The following GALNTL6 variants were observed in gnomAD, a reference collection of about 807,000 sequenced individuals.
GALNTL6 encodes the protein polypeptide N-acetylgalactosaminyltransferase-like 6.
A neutral mutation model predicts 73.7 loss-of-function variants in GALNTL6; 46 were observed. The observed-to-expected ratio is 0.62, with a 90% CI of 0.49 to 0.80. GALNTL6 has a LOEUF of 0.80. Ranked by LOEUF, GALNTL6 falls within the 30% of genes least tolerant of loss-of-function variation. The probability of loss-of-function intolerance (pLI) is 0.00; values close to 1 mark genes in which losing one functional copy is unlikely to be tolerated. For missense variants in GALNTL6, 604 were observed against 755.0 expected, an observed-to-expected ratio of 0.80 and a Z score of 2.34; for synonymous variants, 259 against 263.7, an observed-to-expected ratio of 0.98 and a Z score of 0.17.
intron 3 of GALNTL6, among the ~76,000 whole-genome samples, chr4:172,265,089 TA>T (rs1738406742): frequency 6.6e-6 from 1 of 151,888 alleles, no homozygotes. Flanking sequence ...AATAAATAAA[TA>T]AAAACAATTT....
intron 5 of GALNTL6, among the ~76,000 whole-genome samples, chr4:172,594,271 G>C (rs1737764602): frequency 6.6e-6 from 1 of 152,148 alleles, no homozygotes; most frequent in Non-Finnish European, 1.5e-5. Flanking sequence ...CTTGAACCCA[G>C]GAGGTGGAGG....
rs149779918 is a variant in GALNTL6, at chr4:172,719,583, C to T, written c.554-89778C>T. Reference sequence around the variant, plus strand: ...AAATGCAGGTAGAAAATTAGAATAGCATACTTGACTCAGGACGGGTGGTGT... The same window carrying T: ...AAATGCAGGTAGAAAATTAGAATAGTATACTTGACTCAGGACGGGTGGTGT... On this transcript the variant is annotated intron_variant, in intron 5 of 12. Transcript: ENST00000506823. 1.7e-3 allele frequency among the ~76,000 whole-genome samples: 262 copies of T among 152,224 alleles called. 1 individual carries two copies. The highest frequency in any genetic ancestry group is 6.1e-3 in the African/African-American group (255 of 41,532).
At chr4:172,437,025 C>A (rs1731656437) in intron 5 of GALNTL6, among the ~76,000 whole-genome samples, 2 of 151,962 alleles carry the variant, frequency 1.3e-5, no homozygotes, top group Non-Finnish European at 2.9e-5. Context: ...ATTTTTTGCA[C>A]ATATATATAA....
chr4:172,805,280 T>C (rs188770360), intron 5 of GALNTL6, among the ~76,000 whole-genome samples: 12 of 152,326 alleles, frequency 7.9e-5, no homozygotes, highest in African/African-American at 2.6e-4. Flanking sequence ...AATTCACTAA[T>C]GAATGGTTAT....
intron 8 of GALNTL6, among the ~76,000 whole-genome samples, chr4:172,925,175 G>GTT (rs199993886): frequency 2.9e-5 from 4 of 137,354 alleles, no homozygotes; most frequent in Admixed American, 7.4e-5. Flanking sequence ...CCAGGCTTAT[G>GTT]TTTTTTTTTT....
chr4:172,650,253 T>C (rs1579288914), intron 5 of GALNTL6, among the ~76,000 whole-genome samples: 1 of 152,284 alleles, frequency 6.6e-6, no homozygotes, highest in East Asian at 1.9e-4. Flanking sequence ...AGGTACTGTG[T>C]TTTTAAAAAG....
At chr4:172,369,845 G>A (rs892912194) in intron 5 of GALNTL6, among the ~76,000 whole-genome samples, 2 of 152,038 alleles carry the variant, frequency 1.3e-5, no homozygotes, top group Non-Finnish European at 2.9e-5. Context: ...TCCCACCCAC[G>A]CCTCTCCCTC....
chr4:172,524,541 T>G (rs1256507941), intron 5 of GALNTL6, among the ~76,000 whole-genome samples: 2 of 152,234 alleles, frequency 1.3e-5, no homozygotes, highest in African/African-American at 4.8e-5. Flanking sequence ...TTAGTTGTCC[T>G]TTCTTCTGTT....
At chr4:172,143,985 T>C (rs1733864275) in intron 2 of GALNTL6, among the ~76,000 whole-genome samples, 1 of 152,182 alleles carries the variant, frequency 6.6e-6, no homozygotes, top group South Asian at 2.1e-4. Flanking sequence ...AGTCCTATAT[T>C]ATGGCAATAA....
intron 7 of GALNTL6, among the ~76,000 whole-genome samples, chr4:172,847,537 T>C (rs1444063245): frequency 2.0e-5 from 3 of 152,210 alleles, no homozygotes; most frequent in South Asian, 2.1e-4. Context: ...ATTCCGTTGC[T>C]GAAACATTTA....
chr4:172,684,914 CTA>C (rs1324793230), intron 5 of GALNTL6, among the ~76,000 whole-genome samples: 2 of 152,166 alleles, frequency 1.3e-5, no homozygotes, highest in African/African-American at 4.8e-5. Context: ...GCCAATTACT[CTA>C]TGCAACTTCT....
chr4:172,538,462 A>AAAAAC (rs530666450), intron 5 of GALNTL6, among the ~76,000 whole-genome samples: 7 of 152,256 alleles, frequency 4.6e-5, no homozygotes, highest in Admixed American at 1.3e-4. Context: ...TCCATCTCAA[A>AAAAAC]AAAACAAAAC....
intron 3 of GALNTL6, among the ~76,000 whole-genome samples, chr4:172,304,622 A>G: frequency 6.6e-6 from 1 of 152,290 alleles, no homozygotes; most frequent in East Asian, 1.9e-4. Flanking sequence ...TTTCTCTTGT[A>G]TTCTAGTTAC....
chr4:172,155,973 AT>A (rs1183196720), intron 2 of GALNTL6, among the ~76,000 whole-genome samples: 1 of 152,002 alleles, frequency 6.6e-6, no homozygotes, highest in African/African-American at 2.4e-5. Context: ...TCAAAAGATA[AT>A]TTTTACCTTT....
intron 5 of GALNTL6, among the ~76,000 whole-genome samples, chr4:172,531,364 C>G (rs561630601): frequency 6.6e-6 from 1 of 152,146 alleles, no homozygotes; most frequent in African/African-American, 2.4e-5. Context: ...AGCTTTTTAA[C>G]CATTGAGAGA....
chr4:172,463,092 TTGTA>T (rs1345499693), intron 5 of GALNTL6, among the ~76,000 whole-genome samples: 1 of 152,190 alleles, frequency 6.6e-6, no homozygotes, highest in African/African-American at 2.4e-5. Flanking sequence ...ATGGTTTGCT[TTGTA>T]ACTTGTATGC....
At chr4:172,831,033 C>G (rs1327962250) in intron 7 of GALNTL6, among the ~76,000 whole-genome samples, 5 of 139,258 alleles carry the variant, frequency 3.6e-5, no homozygotes, top group Non-Finnish European at 7.7e-5. Flanking sequence ...GTGGCACATG[C>G]TTGTAATCTC....
intron 5 of GALNTL6, among the ~76,000 whole-genome samples, chr4:172,478,817 C>CA (rs1733334795): frequency 6.6e-6 from 1 of 151,934 alleles, no homozygotes; most frequent in Admixed American, 6.5e-5. Flanking sequence ...ACAATAACAA[C>CA]AAAAAACAGA....
chr4:172,121,502 C>A (rs923274110), intron 2 of GALNTL6, among the ~76,000 whole-genome samples: 1 of 152,156 alleles, frequency 6.6e-6, no homozygotes, highest in Non-Finnish European at 1.5e-5. Context: ...CCACAACCCA[C>A]AAGCATTGAT....
Sources: allele counts gnomAD v4.1 joint callset (sites outside exome capture counted in the v4.1 genomes callset), GRCh38; gene constraint gnomAD v4.1.1; transcripts MANE v1.5; gene names NCBI Gene and HGNC (gene_info 2026-07-23, HGNC 2026-07-21).